The following DIP2C variants were observed in gnomAD, a reference collection of about 807,000 sequenced individuals.
The protein encoded by DIP2C is disco-interacting protein 2 homolog C.
A neutral mutation model predicts 192.4 loss-of-function variants in DIP2C; 33 were observed. That is an observed-to-expected ratio of 0.17 (90% CI 0.13 to 0.23). DIP2C has a LOEUF of 0.23. DIP2C is among the 10% of genes least tolerant of loss of function. DIP2C has a pLI of 1.00. For missense variants in DIP2C, 1,537 were observed against 2,110.1 expected, an observed-to-expected ratio of 0.73 and a Z score of 5.32; for synonymous variants, 979 against 864.1, an observed-to-expected ratio of 1.13 and a Z score of -2.33.
chr10:356,396 T>C (rs759759231), intron 24 of DIP2C, 30 bp downstream of exon 24: 14 of 1,608,642 alleles, frequency 8.7e-6, no homozygotes, highest in Non-Finnish European at 1.0e-5. Flanking sequence ...TTGAGGCCAG[T>C]AGCCAGGGAA....
chr10:450,116 A>G (rs1313871779), intron 3 of DIP2C, among the ~76,000 whole-genome samples: 4 of 152,272 alleles, frequency 2.6e-5, no homozygotes, highest in African/African-American at 9.6e-5. Context: ...CGTCCACTCC[A>G]TGTTGCATTT....
intron 1 of DIP2C, among the ~76,000 whole-genome samples, chr10:638,575 G>A (rs1323216673): frequency 1.3e-5 from 2 of 152,200 alleles, no homozygotes; most frequent in African/African-American, 4.8e-5. Context: ...ATAAATAAGT[G>A]CATCGCCTCA....
intron 1 of DIP2C, among the ~76,000 whole-genome samples, chr10:580,356 TAC>T (rs1020204493): frequency 1.6e-4 from 24 of 152,314 alleles, no homozygotes; most frequent in East Asian, 5.8e-4. Flanking sequence ...CATGCATGCT[TAC>T]AGTGTGCACA....
chr10:518,256 T>TG (rs1846488805), intron 1 of DIP2C, among the ~76,000 whole-genome samples: 1 of 152,258 alleles, frequency 6.6e-6, no homozygotes, highest in Non-Finnish European at 1.5e-5. Flanking sequence ...CTGCCCCTGC[T>TG]GCCTGACTGA....
intron 1 of DIP2C, among the ~76,000 whole-genome samples, chr10:565,449 T>TCA (rs1408471562): frequency 4.0e-5 from 6 of 151,362 alleles, no homozygotes; most frequent in African/African-American, 1.5e-4. Context: ...AGTGAAACTG[T>TCA]CAGCAACTAC....
intron 1 of DIP2C, among the ~76,000 whole-genome samples, chr10:544,206 T>C (rs1477537232): frequency 6.6e-6 from 1 of 152,244 alleles, no homozygotes; most frequent in Non-Finnish European, 1.5e-5. Flanking sequence ...AATTGCACAG[T>C]GCTTGACCTT....
At chr10:670,734 AAAAG>A (rs1830593755) in intron 1 of DIP2C, among the ~76,000 whole-genome samples, 1 of 152,260 alleles carries the variant, frequency 6.6e-6, no homozygotes, top group Non-Finnish European at 1.5e-5. Context: ...ATAAGATAAC[AAAAG>A]AAAGTCACAG....
At chr10:519,282 G>A (rs1253868534) in intron 1 of DIP2C, among the ~76,000 whole-genome samples, 1 of 152,216 alleles carries the variant, frequency 6.6e-6, no homozygotes, top group Non-Finnish European at 1.5e-5. Context: ...ACAGCTGTAA[G>A]GGGACAGGGG....
intron 1 of DIP2C, among the ~76,000 whole-genome samples, chr10:558,959 C>T (rs1294618754): frequency 3.9e-5 from 6 of 151,998 alleles, no homozygotes; most frequent in South Asian, 4.2e-4. Flanking sequence ...ACCCCTCCCC[C>T]GGCAGACCAC....
chr10:419,475 G>A (rs1411600009), intron 5 of DIP2C, among the ~76,000 whole-genome samples: 1 of 152,164 alleles, frequency 6.6e-6, no homozygotes, highest in African/African-American at 2.4e-5. Flanking sequence ...CTAGAATAAC[G>A]TTAGACTGGC....
chr10:647,886 G>A (rs12411869), intron 1 of DIP2C, among the ~76,000 whole-genome samples: 2 of 88,070 alleles, frequency 2.3e-5, no homozygotes, highest in Non-Finnish European at 4.6e-5. Context: ...AGTCCACGTC[G>A]ACATTGGATG....
intron 1 of DIP2C, among the ~76,000 whole-genome samples, chr10:599,637 G>A (rs1851929222): frequency 6.6e-6 from 1 of 152,140 alleles, no homozygotes; most frequent in African/African-American, 2.4e-5. Flanking sequence ...GACCTTCCAG[G>A]TAACCCAGCA....
chr10:483,103 G>A (rs2133532634), intron 2 of DIP2C, among the ~76,000 whole-genome samples: 3 of 152,346 alleles, frequency 2.0e-5, no homozygotes, highest in Middle Eastern at 6.8e-3. Flanking sequence ...CTGAGCAGCT[G>A]GGACGTGCCT....
chr10:436,841 GCT>G (rs749827132), intron 4 of DIP2C, among the ~76,000 whole-genome samples: 19 of 137,428 alleles, frequency 1.4e-4, no homozygotes, highest in Non-Finnish European at 2.6e-4. Context: ...CCACACCTGA[GCT>G]CTCTCTGAGC....
rs144031744 is a variant in DIP2C, at chr10:565,160, G to A, written c.86-78630C>T. 8.8e-3 allele frequency among the ~76,000 whole-genome samples: 1,341 copies of A among 152,132 alleles called. 28 individuals are homozygous for A. Among genetic ancestry groups the A allele is most frequent in the African/African-American group, 0.031 (1,288 of 41,456 alleles). Reference sequence around the variant, plus strand: ...CACCCCTAGTCAGTATCAGGGCCTCGAGTGAGCACAGGCAAGAGAACACGT... The same window carrying A: ...CACCCCTAGTCAGTATCAGGGCCTCAAGTGAGCACAGGCAAGAGAACACGT... On this transcript the variant is annotated intron_variant, in intron 1 of 36. Transcript: ENST00000280886.
chr10:388,142 A>C (rs1314388498), intron 13 of DIP2C, among the ~76,000 whole-genome samples: 1 of 152,114 alleles, frequency 6.6e-6, no homozygotes, highest in African/African-American at 2.4e-5. Context: ...TGAGTCTCCC[A>C]GGAAAGGAAG....
At chr10:340,450 G>A (rs1022124554) in intron 29 of DIP2C, among the ~76,000 whole-genome samples, 1 of 152,088 alleles carries the variant, frequency 6.6e-6, no homozygotes, top group Non-Finnish European at 1.5e-5. Flanking sequence ...TACTGGACAT[G>A]CTCTATGCTT....
intron 1 of DIP2C, among the ~76,000 whole-genome samples, chr10:609,580 G>C (rs1289207875): frequency 6.6e-6 from 1 of 152,180 alleles, no homozygotes; most frequent in Non-Finnish European, 1.5e-5. Flanking sequence ...TCTTTGACAT[G>C]AAGGGCTAAT....
chr10:619,497 G>C (rs370712677), intron 1 of DIP2C, among the ~76,000 whole-genome samples: 1 of 142,712 alleles, frequency 7.0e-6, no homozygotes, highest in Admixed American at 6.9e-5. Context: ...AGAATATCGG[G>C]AGCACAGGCT....
Sources: gnomAD v4.1 joint callset for allele counts (sites outside exome capture counted in the v4.1 genomes callset) on GRCh38, gnomAD v4.1.1 for gene constraint, MANE v1.5 for transcripts, NCBI Gene and HGNC (gene_info 2026-07-23, HGNC 2026-07-21) for gene names.